The following TENM3 variants were observed in gnomAD, a reference collection of about 807,000 sequenced individuals.
TENM3 encodes teneurin transmembrane protein 3, also known as teneurin-3.
A neutral mutation model predicts 255.1 loss-of-function variants in TENM3; 63 were observed. The observed-to-expected ratio is 0.25, with a 90% confidence interval of 0.20 to 0.30. The LOEUF is 0.30. Among genes scored for constraint, TENM3 ranks in the 10% least tolerant of loss-of-function variants. The probability of loss-of-function intolerance (pLI) is 1.00; values close to 1 mark genes in which losing one functional copy is unlikely to be tolerated. For synonymous variants in TENM3, 1,306 were observed against 1,322.3 expected (o/e 0.99, Z 0.27); for missense variants, 2,929 against 3,461.1 (o/e 0.85, Z 3.86).
the TENM3 span, among the ~76,000 whole-genome samples, chr4:181,550,380 T>G: frequency 6.6e-6 from 1 of 152,184 alleles, no homozygotes; most frequent in South Asian, 2.1e-4. Context: ...GGCATTCAAA[T>G]GGAAATCAAC....
At chr4:181,731,398 G>C in the TENM3 span, among the ~76,000 whole-genome samples, 1 of 152,068 alleles carries the variant, frequency 6.6e-6, no homozygotes. Context: ...TTGTCACCCG[G>C]GCTGGAGTGC....
intron 13 of TENM3, among the ~76,000 whole-genome samples, chr4:182,719,073 C>G (rs1300478032): frequency 6.6e-6 from 1 of 152,002 alleles, no homozygotes; most frequent in East Asian, 1.9e-4. Context: ...GTGGCCAGCT[C>G]CCCCGTGGGC....
intron 1 of TENM3, among the ~76,000 whole-genome samples, chr4:182,194,259 T>A (rs909815356): frequency 3.7e-4 from 56 of 152,306 alleles, no homozygotes; most frequent in African/African-American, 1.3e-3. Flanking sequence ...TCGTTGTTTC[T>A]GAGCAGAATT....
At chr4:182,507,894 C>T (rs1737000754) in intron 3 of TENM3, among the ~76,000 whole-genome samples, 2 of 152,108 alleles carry the variant, frequency 1.3e-5, no homozygotes, top group African/African-American at 4.8e-5. Context: ...ATTTCACATA[C>T]TTAAGTGATG....
chr4:182,450,445 G>T (rs754044693), intron 3 of TENM3, among the ~76,000 whole-genome samples: 6 of 152,030 alleles, frequency 3.9e-5, no homozygotes, highest in Admixed American at 1.3e-4. Context: ...AAATGCGACT[G>T]CAGCGTTCAA....
intron 3 of TENM3, among the ~76,000 whole-genome samples, chr4:182,584,608 G>A (rs60062145): frequency 6.6e-6 from 1 of 152,046 alleles, no homozygotes; most frequent in African/African-American, 2.4e-5. Flanking sequence ...GATATTAATA[G>A]ATATTTTGGA....
At chr4:181,737,136 C>T in the TENM3 span, among the ~76,000 whole-genome samples, 1 of 152,148 alleles carries the variant, frequency 6.6e-6, no homozygotes, top group Non-Finnish European at 1.5e-5. Flanking sequence ...CACCATGGCA[C>T]CATTGCAACC....
the TENM3 span, among the ~76,000 whole-genome samples, chr4:182,061,508 T>C: frequency 2.0e-5 from 3 of 152,156 alleles, no homozygotes; most frequent in Non-Finnish European, 4.4e-5. Flanking sequence ...TCTATTGTAA[T>C]CCATGATGAG....
chr4:181,774,007 T>G, the TENM3 span, among the ~76,000 whole-genome samples: 1 of 115,668 alleles, frequency 8.6e-6, no homozygotes, highest in African/African-American at 4.8e-5. Context: ...GGCTGTGTTT[T>G]TTTTTTTTTT....
the TENM3 span, among the ~76,000 whole-genome samples, chr4:181,544,541 C>CCACTTCTGGGCTGCCCCCTGCCGCT: frequency 0.057 from 8,661 of 151,712 alleles, 543 homozygotes; most frequent in African/African-American, 0.15. Flanking sequence ...CCCCTGCCGC[C>CCACTTCTGGGCTGCCCCCTGCCGCT]CACTTCTGGG....
intron 20 of TENM3, 113 bp downstream of exon 20, chr4:182,752,145 C>T: frequency 1.5e-6 from 1 of 679,324 alleles, no homozygotes; most frequent in Non-Finnish European, 2.4e-6. Context: ...TAACTTTTTA[C>T]CTTTGACAGT....
intron 2 of TENM3, among the ~76,000 whole-genome samples, chr4:182,326,483 A>G (rs1191457754): frequency 6.6e-6 from 1 of 151,626 alleles, no homozygotes; most frequent in Non-Finnish European, 1.5e-5. Context: ...GCAACTCAGT[A>G]AAATATCACC....
At chr4:182,606,112 C>T (rs1265470892) in intron 4 of TENM3, among the ~76,000 whole-genome samples, 1 of 152,148 alleles carries the variant, frequency 6.6e-6, no homozygotes, top group Non-Finnish European at 1.5e-5. Flanking sequence ...TGACCCCCTT[C>T]GCAGAAAAAG....
chr4:182,001,211 C>A, the TENM3 span, among the ~76,000 whole-genome samples: 20 of 151,844 alleles, frequency 1.3e-4, no homozygotes, highest in Admixed American at 4.6e-4. Context: ...AAAATATTTT[C>A]TCTAGCTTAA....
chr4:181,626,797 G>T, the TENM3 span, among the ~76,000 whole-genome samples: 10 of 152,194 alleles, frequency 6.6e-5, no homozygotes, highest in Non-Finnish European at 1.3e-4. Flanking sequence ...AACGGGTTTG[G>T]ATTTGGAAAA....
the TENM3 span, among the ~76,000 whole-genome samples, chr4:181,648,808 C>G: frequency 3.9e-5 from 6 of 152,114 alleles, no homozygotes; most frequent in African/African-American, 1.4e-4. Context: ...GCAAAGATGC[C>G]TGAGCCAAGA....
At chr4:182,190,524 G>GTT (rs1375412552) in intron 1 of TENM3, 9 of 152,248 alleles carry the variant, frequency 5.9e-5, no homozygotes, top group African/African-American at 2.2e-4. Context: ...CTGCAACAAG[G>GTT]TTTACAGGAC....
intron 3 of TENM3, among the ~76,000 whole-genome samples, chr4:182,541,194 A>G (rs983919551): frequency 2.0e-5 from 3 of 152,190 alleles, no homozygotes; most frequent in African/African-American, 7.2e-5. Context: ...TTTTAAAAGC[A>G]TGGTGTTTTT....
chr4:181,456,113 GTA>G, the TENM3 span, among the ~76,000 whole-genome samples: 62 of 79,544 alleles, frequency 7.8e-4, no homozygotes, highest in South Asian at 3.1e-3. Context: ...GTGTGTGTGT[GTA>G]TATATATATA....
Sources: allele counts gnomAD v4.1 joint callset (sites outside exome capture counted in the v4.1 genomes callset), GRCh38; gene constraint gnomAD v4.1.1; transcripts MANE v1.5; gene names NCBI Gene and HGNC (gene_info 2026-07-23, HGNC 2026-07-21).